The following PGD variants were observed in gnomAD, a reference collection of about 807,000 sequenced individuals.
PGD encodes the protein phosphogluconate dehydrogenase.
PGD carries 21 observed loss-of-function variants against 60.4 expected under a neutral mutation model. The observed-to-expected ratio is 0.35, with a 90% CI of 0.25 to 0.50. The LOEUF (loss-of-function observed/expected upper bound fraction) is 0.50, where lower values mean the gene tolerates loss of function less well. Ranked by LOEUF, PGD falls within the 20% of genes least tolerant of loss-of-function variation. The pLI, the probability that PGD is intolerant of heterozygous loss-of-function variation, is 0.98. For missense variants in PGD, 477 were observed against 613.1 expected (o/e 0.78, Z 2.34); for synonymous variants, 230 against 235.9 (o/e 0.97, Z 0.23).
chr1:10,409,117 T>G (rs1019296013), intron 6 of PGD, among the ~76,000 whole-genome samples: 1 of 152,244 alleles, frequency 6.6e-6, no homozygotes, highest in African/African-American at 2.4e-5. Flanking sequence ...CCAAGCTCTC[T>G]TCAGCTCCTG....
intron 1 of PGD, 130 bp downstream of exon 1, chr1:10,399,255 G>C: frequency 9.2e-7 from 1 of 1,082,580 alleles, no homozygotes; most frequent in Non-Finnish European, 1.3e-6. Context: ...GGGGCTCTGT[G>C]ACCCTGGCCC....
chr1:10,408,055 C>T lies in PGD; in HGVS notation c.450-16C>T. The stretch of plus-strand genomic sequence containing the variant: ...GTCTCTTCTCATTAACTGAACCACA[C>T]TGTTTCTTTACACAGGCCCCACATC... On this transcript the variant is annotated splice_polypyrimidine_tract_variant and intron_variant, in intron 5 of 12. Transcript: ENST00000270776. 1 of 1,550,758 alleles carries T rather than the reference C, an allele frequency of 6.4e-7. No homozygotes were observed. Among genetic ancestry groups the T allele is most frequent in the Non-Finnish European group, 8.9e-7 (1 of 1,122,016 alleles).
rs1446051355 is a variant in PGD, at chr1:10,418,833, C to T, written c.1117C>T (p.Leu373=). 6.3e-7 allele frequency: 1 copy of T among 1,577,544 alleles called. No homozygotes were observed. The highest frequency in any genetic ancestry group is 8.7e-7 in the Non-Finnish European group (1 of 1,148,216). ...RGGCIIRSVF[L]GKIKDAFDRN... is the part of the protein sequence containing the mutation. ...CCCCCTTGATTATTTCAGTGTATTC[C>T]TAGGAAAGATAAAGGATGCATTTGA... The change falls in exon 11 of 13, where the codon CTA becomes TTA. Residue 373 remains leucine (L), a synonymous_variant. Coordinates refer to ENST00000270776, the MANE Select transcript of PGD (RefSeq NM_002631.4).
chr1:10,400,783 T>C (rs190122549), intron 3 of PGD, among the ~76,000 whole-genome samples: 1 of 152,154 alleles, frequency 6.6e-6, no homozygotes, highest in African/African-American at 2.4e-5. Context: ...CTGAGAATAC[T>C]AACAGACATT....
In PGD at chr1:10,403,095, A is replaced by C; in HGVS notation, c.289A>C (p.Ile97Leu). ...GGTACCATTGTTGGATACTGGTGAC[A>C]TCATCATTGACGGAGGAAATTCTGA... ...KLVPLLDTGD[I>L]IIDGGNSEYR... The change falls in exon 4 of 13, where the codon ATC becomes CTC. Residue 97 changes from isoleucine (I) to leucine (L), a missense_variant. Transcript: ENST00000270776. The C allele has an allele frequency of 6.2e-7, 1 of 1,611,046 alleles. No individual in the cohort carries two copies. The highest frequency in any genetic ancestry group is 8.5e-7 in the Non-Finnish European group (1 of 1,177,198).
At chr1:10,399,519 AG>A in intron 1 of PGD, 109 bp from the exon 2 acceptor site, 1 of 965,904 alleles carries the variant, frequency 1.0e-6, no homozygotes, top group South Asian at 1.4e-5. Flanking sequence ...GGAGGCGCGG[AG>A]GAAAGTGCAG....
chr1:10,419,384 T>A (rs1272735732), intron 11 of PGD, 33 bp from the exon 12 acceptor site: 7 of 1,602,722 alleles, frequency 4.4e-6, no homozygotes, highest in Non-Finnish European at 5.1e-6. Context: ...CAGGGGCAGA[T>A]CACTAATCTC....
chr1:10,405,034 G>A (rs746618279), intron 5 of PGD, among the ~76,000 whole-genome samples: 1 of 152,164 alleles, frequency 6.6e-6, no homozygotes, highest in Admixed American at 6.6e-5. Context: ...ACAACATAGC[G>A]AGATCCTGTT....
rs1639663276 is a variant in PGD at position 10,419,938 on chromosome 1, GCCT to G, written c.*191_*193del. The stretch of plus-strand genomic sequence containing the variant: ...GAGAGCCACCATGCCCTCTGCCCTT[GCCT>G]CTTGGGACTGACCAGGAGCTGCTCA... On this transcript the variant is annotated 3_prime_UTR_variant, in exon 13 of 13. Transcript: ENST00000270776. The G allele has an allele frequency of 1.5e-6, 1 of 647,738 alleles. No individual in the cohort carries two copies. Among genetic ancestry groups the G allele is most frequent in the Non-Finnish European group, 2.6e-6 (1 of 383,528 alleles). The allele number at this position is 647,738 out of a possible 1,614,324, so 40.1% of individuals were successfully genotyped here.
chr1:10,400,116 C>G (rs1273409054), intron 2 of PGD: 1 of 472,794 alleles, frequency 2.1e-6, no homozygotes, highest in Non-Finnish European at 3.8e-6. Context: ...GTTGAACCGG[C>G]CAGTTCCTGG....
At chr1:10,419,267 T>G (rs983813236) in intron 11 of PGD, 150 bp from the exon 12 acceptor site, 18 of 1,017,780 alleles carry the variant, frequency 1.8e-5, no homozygotes, top group Non-Finnish European at 2.4e-5. Flanking sequence ...TCCGCCCACC[T>G]CAGCCTTCCA....
At chr1:10,400,649 A>T in intron 3 of PGD, 77 bp downstream of exon 3, 2 of 1,153,934 alleles carry the variant, frequency 1.7e-6, no homozygotes, top group Non-Finnish European at 1.2e-6. Context: ...TCCTTCTTTT[A>T]ACTCTAGAGA....
At chr1:10,414,095 C>T (rs1307164005) in intron 8 of PGD, among the ~76,000 whole-genome samples, 1 of 152,100 alleles carries the variant, frequency 6.6e-6, no homozygotes, top group Admixed American at 6.6e-5. Flanking sequence ...CTTGTGTACT[C>T]AGAAATTATT....
At position 10,419,965 on chromosome 1, in the gene PGD, CAT is replaced by C. The variant is rs1639663701; in HGVS notation, c.*217_*218del. ...CTCTTGGGACTGACCAGGAGCTGCT[CAT>C]GTGCGTGAGAGTGGGAACCATCTCC... On this transcript the variant is annotated 3_prime_UTR_variant, in exon 13 of 13. Transcript: ENST00000270776. 2 of 557,856 alleles carry C rather than the reference CAT, an allele frequency of 3.6e-6. No homozygotes were observed. The highest frequency in any genetic ancestry group is 3.2e-5 in the Admixed American group (1 of 31,354). The allele number at this position is 557,856 out of a possible 1,614,324, so 34.6% of individuals were successfully genotyped here. A position where few individuals can be genotyped will look rare whatever the true frequency, so the allele number is the denominator to read the frequency against.
At chr1:10,411,286 C>G in intron 6 of PGD, 132 bp from the exon 7 acceptor site, 3 of 890,940 alleles carry the variant, frequency 3.4e-6, no homozygotes, top group Non-Finnish European at 3.5e-6. Flanking sequence ...AAATGCTGTA[C>G]TCATTTTATA....
At position 10,418,869 on chromosome 1, in the gene PGD, G is replaced by C. The variant is rs376709444; in HGVS notation, c.1153G>C (p.Glu385Gln). 1.4e-4 allele frequency: 223 copies of C among 1,612,286 alleles called. No homozygotes were observed. Among genetic ancestry groups the C allele is most frequent in the Middle Eastern group, 1.2e-3 (7 of 6,078 alleles). ...KIKDAFDRNP[E>Q]LQNLLLDDFF... ...AAAGGATGCATTTGATCGAAACCCG[G>C]AACTTCAGAACCTCCTACTGGACGA... is the stretch of plus-strand genomic sequence containing the variant. The change falls in exon 11 of 13, where the codon GAA becomes CAA. Residue 385 changes from glutamate to glutamine, a missense_variant. Glu to Gln is a conservative substitution (Grantham distance 29). This residue lies in a region of PGD where 431 missense variants were observed against 556.6 expected (regional missense o/e 0.77). Transcript: ENST00000270776.
chr1:10,412,747 G>T, intron 7 of PGD: 1 of 252,378 alleles, frequency 4.0e-6, no homozygotes, highest in Non-Finnish European at 7.7e-6. Context: ...AGAGTAAACT[G>T]GGACAAGATC....
chr1:10,416,872 C>G (rs570300895), intron 8 of PGD, 115 bp from the exon 9 acceptor site: 4 of 876,522 alleles, frequency 4.6e-6, no homozygotes, highest in South Asian at 3.1e-5. Flanking sequence ...TGTGATTCTT[C>G]ACTTGCTTCA....
chr1:10,411,269 G>C (rs1315525468), intron 6 of PGD, 149 bp from the exon 7 acceptor site: 1 of 736,090 alleles, frequency 1.4e-6, no homozygotes, highest in Non-Finnish European at 2.2e-6. Flanking sequence ...TATGATTCTT[G>C]TATCAAAAAT....
Sources: allele counts gnomAD v4.1 joint callset (sites outside exome capture counted in the v4.1 genomes callset), GRCh38; gene constraint gnomAD v4.1.1; regional missense constraint gnomAD v4.1.1; transcripts MANE v1.5; gene names NCBI Gene and HGNC (gene_info 2026-07-23, HGNC 2026-07-21).